RNLS: variants seen among roughly 807,000 people sequenced by gnomAD.
The protein encoded by RNLS is renalase.
RNLS carries 39 observed loss-of-function variants against 39.8 expected under a neutral mutation model. The observed-to-expected ratio is 0.98, with a 90% CI of 0.76 to 1.28. The LOEUF (loss-of-function observed/expected upper bound fraction) is 1.28, where lower values mean the gene tolerates loss of function less well. RNLS is among the 50% of genes most tolerant of loss of function. The pLI, the probability that RNLS is intolerant of heterozygous loss-of-function variation, is 0.00. For missense variants in RNLS, 410 were observed against 413.3 expected (o/e 0.99, Z 0.07); for synonymous variants, 147 against 150.7 (o/e 0.98, Z 0.18).
At chr10:88,222,981 T>C in the RNLS span, among the ~76,000 whole-genome samples, 6,762 of 152,332 alleles carry the variant, frequency 0.044, 213 homozygotes, top group Admixed American at 0.093. Context: ...TGAGAGCACA[T>C]TTTTATTTCA....
intron 4 of RNLS, among the ~76,000 whole-genome samples, chr10:88,365,394 T>G (rs1411696673): frequency 6.6e-6 from 1 of 151,850 alleles, no homozygotes; most frequent in Non-Finnish European, 1.5e-5. Context: ...TTCTTTCTTA[T>G]CATGTTTTCA....
chr10:88,251,486 G>A, the RNLS span, among the ~76,000 whole-genome samples: 1 of 152,158 alleles, frequency 6.6e-6, no homozygotes, highest in Non-Finnish European at 1.5e-5. Flanking sequence ...TAATAAACAG[G>A]TTCTCATTTA....
intron 5 of RNLS, among the ~76,000 whole-genome samples, chr10:88,346,934 T>G (rs2133256454): frequency 6.6e-6 from 1 of 152,270 alleles, no homozygotes; most frequent in South Asian, 2.1e-4. Context: ...TAGACTGATC[T>G]GAAGAGGAAT....
chr10:88,329,963 G>A (rs1009779418), intron 5 of RNLS, among the ~76,000 whole-genome samples: 1 of 150,482 alleles, frequency 6.6e-6, no homozygotes, highest in Non-Finnish European at 1.5e-5. Flanking sequence ...TGTGTGTCTG[G>A]TTATTCCAAA....
the RNLS span, among the ~76,000 whole-genome samples, chr10:88,210,169 A>G: frequency 3.3e-5 from 5 of 152,222 alleles, no homozygotes; most frequent in African/African-American, 1.2e-4. Flanking sequence ...TGTCTATATT[A>G]TATGGGATTC....
chr10:88,342,840 T>A (rs1232135439), intron 5 of RNLS, among the ~76,000 whole-genome samples: 2 of 152,074 alleles, frequency 1.3e-5, no homozygotes, highest in Non-Finnish European at 1.5e-5. Flanking sequence ...GAGGAGATAG[T>A]GAGATCAGGG....
intron 4 of RNLS, among the ~76,000 whole-genome samples, chr10:88,469,822 C>CGTGTGTGT (rs199651876): frequency 4.4e-4 from 61 of 138,204 alleles, no homozygotes; most frequent in African/African-American, 1.4e-3. Context: ...TATGTGTGTG[C>CGTGTGTGT]GTGTGTGTGT....
intron 5 of RNLS, among the ~76,000 whole-genome samples, chr10:88,332,099 T>C (rs1042010130): frequency 2.6e-5 from 4 of 152,228 alleles, no homozygotes; most frequent in African/African-American, 9.6e-5. Context: ...GGTCAAGAAC[T>C]AGGCCTCACT....
chr10:88,264,419 T>C, the RNLS span, among the ~76,000 whole-genome samples: 1 of 152,228 alleles, frequency 6.6e-6, no homozygotes, highest in Non-Finnish European at 1.5e-5. Flanking sequence ...GCGGTTGTAC[T>C]AGTTTACATT....
intron 6 of RNLS, among the ~76,000 whole-genome samples, chr10:88,295,072 A>T (rs969274499): frequency 6.6e-6 from 1 of 152,166 alleles, no homozygotes; most frequent in Non-Finnish European, 1.5e-5. Flanking sequence ...TTCTTAAAAC[A>T]GTTGATTCTC....
intron 4 of RNLS, among the ~76,000 whole-genome samples, chr10:88,498,392 A>G (rs1409376567): frequency 6.6e-6 from 1 of 151,568 alleles, no homozygotes; most frequent in African/African-American, 2.4e-5. Context: ...CAGGGTCATG[A>G]AAGAAAAAGA....
chr10:88,324,395 T>C (rs978584987), intron 5 of RNLS, among the ~76,000 whole-genome samples: 4 of 141,070 alleles, frequency 2.8e-5, no homozygotes, highest in South Asian at 2.2e-4. Flanking sequence ...CAGAATACTA[T>C]GCAGCCATAA....
chr10:88,434,440 CT>C (rs1287630648), intron 4 of RNLS, among the ~76,000 whole-genome samples: 1 of 152,026 alleles, frequency 6.6e-6, no homozygotes, highest in Non-Finnish European at 1.5e-5. Flanking sequence ...GGAGGCAAAG[CT>C]TTTTTTGGTA....
intron 4 of RNLS, among the ~76,000 whole-genome samples, chr10:88,409,446 CAAATGATTT>C (rs971915292): frequency 2.0e-5 from 3 of 152,096 alleles, no homozygotes; most frequent in Admixed American, 1.3e-4. Context: ...ATTTCAGTTT[CAAATGATTT>C]AAATAGAACT....
chr10:88,506,898 G>A lies in RNLS; in HGVS notation c.526+66005C>T, dbSNP rs193279904. On this transcript the variant is annotated intron_variant, in intron 4 of 6. Transcript: ENST00000331772. ...GAAGTGGCAGAGTGGAGGTAACGGGGTTGGTCACTTACTGAGCTCTGACAG... is the reference window on the plus strand; with the variant it reads ...GAAGTGGCAGAGTGGAGGTAACGGGATTGGTCACTTACTGAGCTCTGACAG... Among the ~76,000 whole-genome samples the A allele has an allele frequency of 2.1e-3, 319 of 152,242 alleles. 1 individual carries two copies. Among genetic ancestry groups the A allele is most frequent in the Middle Eastern group, 0.014 (4 of 294 alleles).
At chr10:88,195,426 C>T in the RNLS span, among the ~76,000 whole-genome samples, 1 of 152,134 alleles carries the variant, frequency 6.6e-6, no homozygotes, top group African/African-American at 2.4e-5. Flanking sequence ...TTCACACCCC[C>T]CTCCTTTGCT....
intron 4 of RNLS, among the ~76,000 whole-genome samples, chr10:88,563,088 T>A (rs1043708165): frequency 8.5e-5 from 13 of 152,190 alleles, no homozygotes; most frequent in Non-Finnish European, 1.3e-4. Context: ...GAGAAATGTT[T>A]CATTTTCTTA....
chr10:88,375,461 T>G (rs899552221), intron 4 of RNLS, among the ~76,000 whole-genome samples: 1 of 152,222 alleles, frequency 6.6e-6, no homozygotes, highest in African/African-American at 2.4e-5. Flanking sequence ...ATTGTATTGC[T>G]CTTTCATTTG....
intron 5 of RNLS, among the ~76,000 whole-genome samples, chr10:88,350,904 A>T (rs940722472): frequency 6.6e-6 from 1 of 152,130 alleles, no homozygotes; most frequent in African/African-American, 2.4e-5. Flanking sequence ...TTGTTTCCTG[A>T]CATTTTAATG....
Sources: allele counts gnomAD v4.1 joint callset (sites outside exome capture counted in the v4.1 genomes callset), GRCh38; gene constraint gnomAD v4.1.1; transcripts MANE v1.5; gene names NCBI Gene and HGNC (gene_info 2026-07-23, HGNC 2026-07-21).